PRPF40B: variants seen among roughly 807,000 people sequenced by gnomAD.
The protein encoded by PRPF40B is pre-mRNA-processing factor 40 homolog B.
A neutral mutation model predicts 124.5 loss-of-function variants in PRPF40B; 56 were observed. The observed-to-expected ratio is 0.45, with a 90% confidence interval of 0.36 to 0.56. The LOEUF is 0.56. Ranked by LOEUF, PRPF40B falls within the 20% of genes least tolerant of loss-of-function variation. PRPF40B has a pLI of 0.00. For synonymous variants in PRPF40B, 443 were observed against 426.4 expected (o/e 1.04, Z -0.48); for missense variants, 1,053 against 1,169.5 (o/e 0.90, Z 1.45).
At chr12:49,636,651 G>T in intron 15 of PRPF40B, 65 bp from the exon 16 acceptor site, 1 of 1,602,156 alleles carries the variant, frequency 6.2e-7, no homozygotes, top group Non-Finnish European at 8.5e-7. Context: ...AAACATTAGG[G>T]GTGCTGGGGT....
intron 18 of PRPF40B, chr12:49,641,610 C>T: frequency 5.3e-6 from 2 of 374,232 alleles, no homozygotes; most frequent in South Asian, 7.9e-5. Flanking sequence ...CAGCTGGGGC[C>T]AGAGCTTTAA....
chr12:49,634,672 C>G, intron 12 of PRPF40B, 70 bp downstream of exon 12: 1 of 1,584,260 alleles, frequency 6.3e-7, no homozygotes, highest in Non-Finnish European at 8.6e-7. Flanking sequence ...CTAAAAAACC[C>G]CAGCTCAACA....
chr12:49,624,212 T>A (rs1940488479), intron 1 of PRPF40B: 2 of 965,070 alleles, frequency 2.1e-6, no homozygotes, highest in South Asian at 9.6e-5. Flanking sequence ...TTCCCATCAA[T>A]TTTTTTAAAA....
intron 1 of PRPF40B, among the ~76,000 whole-genome samples, chr12:49,626,489 A>C (rs1452110306): frequency 2.0e-5 from 3 of 152,198 alleles, no homozygotes; most frequent in African/African-American, 7.2e-5. Flanking sequence ...TGGGATAGTC[A>C]TAAGGGTAAC....
At position 49,633,719 on chromosome 12, in the gene PRPF40B, ACT is replaced by A. The variant is rs570815870; in HGVS notation, c.605+61_605+62del. The A allele has an allele frequency of 4.6e-5, 74 of 1,611,400 alleles. No individual in the cohort carries two copies. In the African/African-American group the frequency reaches 8.3e-4, roughly 18 times the overall value. On this transcript the variant is annotated intron_variant, in intron 9 of 25. Transcript: ENST00000548825. ...TGGGGCACCTGGAGTGTGGAAGTAG[ACT>A]CTGTCGCCATGATCTCTACACTGTG...
chr12:49,638,618 A>G (rs1565841708), intron 18 of PRPF40B: 1 of 152,240 alleles, frequency 6.6e-6, no homozygotes, highest in African/African-American at 2.4e-5. Context: ...GAAAAAAACA[A>G]AGAGCATATT....
At chr12:49,623,222 G>A (rs1940354393), upstream of PRPF40B, among the ~76,000 whole-genome samples, 2 of 152,122 alleles carry the variant, frequency 1.3e-5, no homozygotes, top group Middle Eastern at 3.4e-3. Flanking sequence ...CCTACACACT[G>A]CGTGAACGCT....
chr12:49,632,610 G>T lies in PRPF40B; in HGVS notation c.309G>T (p.Ala103=), dbSNP rs760569210. 2.5e-6 allele frequency: 4 copies of T among 1,613,794 alleles called. No homozygotes were observed. In the African/African-American group the frequency reaches 5.3e-5, roughly 22 times the overall value. ...TTCTTCGGCAGACGGCTCCGGGTGC[G>T]GACACCGCCAGCTGTGAGTCTTCTG... The part of the protein sequence containing the change: ...VPVTAATAPG[A]DTASSAVAGT... Residue 103 remains alanine (A), a synonymous_variant, in exon 5 of 26, where the codon GCG becomes GCT. Transcript: ENST00000548825.
rs200975345 is a variant in PRPF40B at position 49,635,822 on chromosome 12, C to T, written c.1276-21C>T. On this transcript the variant is annotated intron_variant, in intron 14 of 25. Transcript: ENST00000548825. The surrounding 1 kb of genome is among the most constrained non-coding windows in gnomAD (Gnocchi z 4.1). ...GTAGCTCTGGCCTGCCCTGCCTCAC[C>T]CTGATCCTGTGGCTCCCTAGGAACA... 9 of 1,613,050 alleles carry T rather than the reference C, an allele frequency of 5.6e-6. 1 individual carries two copies. In the South Asian group the frequency reaches 8.8e-5, roughly 16 times the overall value.
chr12:49,643,761 AG>A lies in PRPF40B; in HGVS notation c.2442+11del. On this transcript the variant is annotated intron_variant, in intron 24 of 25. Transcript: ENST00000548825. Reference sequence around the variant, plus strand: ...AGAGAAGACACAAGTCGGTGAGTGAAGGAACTTCTACCTAAGCCCCTGCTAT... The same window carrying A: ...AGAGAAGACACAAGTCGGTGAGTGAAGAACTTCTACCTAAGCCCCTGCTAT... 2.5e-6 allele frequency: 4 copies of A among 1,613,968 alleles called. No individual in the cohort carries two copies. The highest frequency in any genetic ancestry group is 3.4e-6 in the Non-Finnish European group (4 of 1,179,966).
At chr12:49,624,063 C>A (rs1024894499) in intron 1 of PRPF40B, 4 of 990,086 alleles carry the variant, frequency 4.0e-6, no homozygotes, top group Non-Finnish European at 4.8e-6. Context: ...CCCTGCTTCA[C>A]CTTCCTGCAT....
Position 49,634,091 on chromosome 12 carries a change from A to C in PRPF40B, c.811A>C (p.Ser271Arg), listed in dbSNP as rs1441090391. 5 of 1,611,874 alleles carry C rather than the reference A, an allele frequency of 3.1e-6. No homozygotes were observed. The East Asian group carries it at 1.1e-4, about 36-fold the overall frequency. ...GCAGCAGCTGGAGGAGGGCCCCAGC[A>C]GGTGAGGGCTGCCCCCCATGGCATT... ...FLQQLEEGPS[S>R]SGQHQPQQEE... The change falls in exon 10 of 26, where the codon AGT becomes CGT. Residue 271 changes from serine to arginine, a missense_variant and splice_region_variant. Transcript: ENST00000548825.
At chr12:49,632,986 A>T in intron 6 of PRPF40B, 28 bp from the exon 7 acceptor site, 1 of 1,550,554 alleles carries the variant, frequency 6.4e-7, no homozygotes, top group Non-Finnish European at 8.8e-7. Context: ...GGCCTTGACC[A>T]CCATTCTGTG....
chr12:49,635,380 C>G lies in PRPF40B; in HGVS notation c.1182C>G (p.Thr394=). The G allele has an allele frequency of 1.2e-6, 2 of 1,613,732 alleles. No individual in the cohort carries two copies. Among genetic ancestry groups the G allele is most frequent in the Non-Finnish European group, 1.7e-6 (2 of 1,179,818 alleles). Residue 394 remains threonine, a synonymous_variant, in exon 14 of 26, where the codon ACC becomes ACG. Transcript: ENST00000548825. This position sits in a 1 kb window ranked among gnomAD's most constrained non-coding sequence, Gnocchi z 4.1. ...STTRYRRAEQ[T]FGELEVWAVV... The stretch of plus-strand genomic sequence containing the variant: ...TGCTCCACAGGCGGGCAGAACAGAC[C>G]TTTGGGGAGCTGGAGGTCTGGGCTG...
chr12:49,637,872 C>T, intron 18 of PRPF40B, 48 bp downstream of exon 18: 1 of 1,444,066 alleles, frequency 6.9e-7, no homozygotes, highest in East Asian at 2.3e-5. Context: ...ATGCAGGGCA[C>T]ACTCCCTGCA....
chr12:49,635,307 A>C lies in PRPF40B; in HGVS notation c.1166+44A>C, dbSNP rs1188616442. ...GCTGGGACTTGGGAACCCTGAGAACACAAAGGTCCAGGGTCTCTGTTCTCT... is the reference window on the plus strand; with the variant it reads ...GCTGGGACTTGGGAACCCTGAGAACCCAAAGGTCCAGGGTCTCTGTTCTCT... On this transcript the variant is annotated intron_variant, in intron 13 of 25. Coordinates refer to ENST00000548825, the MANE Select transcript of PRPF40B (RefSeq NM_001031698.3). This position sits in a 1 kb window ranked among gnomAD's most constrained non-coding sequence, Gnocchi z 4.1. 1 of 1,608,878 alleles carries C rather than the reference A, an allele frequency of 6.2e-7. No homozygotes were observed. Among genetic ancestry groups the C allele is most frequent in the East Asian group, 2.2e-5 (1 of 44,848 alleles).
intron 4 of PRPF40B, 195 bp downstream of exon 4, chr12:49,632,120 G>T: frequency 1.6e-6 from 1 of 638,786 alleles, no homozygotes; most frequent in Non-Finnish European, 2.8e-6. Context: ...CATCCCCAAA[G>T]GCATATACAT....
At chr12:49,623,053 C>CT (rs76184248), upstream of PRPF40B, among the ~76,000 whole-genome samples, 4,054 of 139,928 alleles carry the variant, frequency 0.029, 117 homozygotes, top group African/African-American at 0.079. Context: ...GGGGATTTGT[C>CT]TTTTTTTTTT....
chr12:49,635,507 C>T lies in PRPF40B; in HGVS notation c.1275+34C>T, dbSNP rs374069946. On this transcript the variant is annotated intron_variant, in intron 14 of 25. Coordinates refer to ENST00000548825, the MANE Select transcript of PRPF40B (RefSeq NM_001031698.3). The surrounding 1 kb of genome is among the most constrained non-coding windows in gnomAD (Gnocchi z 4.1). The stretch of plus-strand genomic sequence containing the variant: ...CCCTGGGCAGAATCCTTCAGCCCAT[C>T]TCATCCTGGACTTTCCTTGTCTTTG... 4 of 1,570,540 alleles carry T rather than the reference C, an allele frequency of 2.5e-6. No individual in the cohort carries two copies. The highest frequency in any genetic ancestry group is 1.2e-5 in the South Asian group (1 of 86,874).
Sources: gnomAD v4.1 joint callset for allele counts (sites outside exome capture counted in the v4.1 genomes callset) on GRCh38, gnomAD v4.1.1 for gene constraint, Gnocchi (gnomAD v3.1) non-coding constraint, MANE v1.5 for transcripts, NCBI Gene and HGNC (gene_info 2026-07-23, HGNC 2026-07-21) for gene names.